The following GRID2 variants were observed in gnomAD, a reference collection of about 807,000 sequenced individuals.
The protein encoded by GRID2 is glutamate receptor ionotropic, delta-2.
Under a neutral mutation model 114.8 loss-of-function variants are expected in GRID2, and 33 were observed. That is an observed-to-expected ratio of 0.29 (90% CI 0.22 to 0.38). The LOEUF (loss-of-function observed/expected upper bound fraction) is 0.38. Among genes scored for constraint, GRID2 ranks in the 10% least tolerant of loss-of-function variants. GRID2 has a pLI of 1.00. For missense variants in GRID2, 1,184 were observed against 1,257.7 expected (o/e 0.94, Z 0.89); for synonymous variants, 505 against 449.9 (o/e 1.12, Z -1.55).
chr4:93,337,218 T>G (rs10015888), intron 8 of GRID2, among the ~76,000 whole-genome samples: 38,469 of 152,062 alleles, frequency 0.25, 8,161 homozygotes, highest in African/African-American at 0.58. Context: ...ATTTTTAGGG[T>G]TTTATTTTTA....
At chr4:93,562,338 C>T (rs963354523) in intron 13 of GRID2, among the ~76,000 whole-genome samples, 4 of 151,780 alleles carry the variant, frequency 2.6e-5, no homozygotes, top group African/African-American at 9.7e-5. Context: ...ATCTATATAT[C>T]TTTTTTGGTG....
At chr4:92,459,434 A>G (rs1721372435) in intron 1 of GRID2, among the ~76,000 whole-genome samples, 3 of 152,182 alleles carry the variant, frequency 2.0e-5, no homozygotes, top group Non-Finnish European at 4.4e-5. Flanking sequence ...TTTGCAATCT[A>G]CCTTCAATAT....
intron 2 of GRID2, among the ~76,000 whole-genome samples, chr4:92,693,605 G>C (rs923815286): frequency 1.6e-4 from 24 of 152,116 alleles, no homozygotes; most frequent in African/African-American, 5.1e-4. Context: ...CCCATCTTAA[G>C]TTAGAGAATA....
At position 92,740,738 on chromosome 4, in the gene GRID2, A is replaced by AGATAGATG. The variant is rs1553922626; in HGVS notation, c.244+150455_244+150456insAGATGGAT. 1.4e-3 allele frequency among the ~76,000 whole-genome samples: 203 copies of AGATAGATG among 141,142 alleles called. 1 individual carries two copies. Among genetic ancestry groups the AGATAGATG allele is most frequent in the African/African-American group, 4.9e-3 (175 of 35,818 alleles). The allele number at this position is 141,142 out of a possible 152,430, so 92.6% of individuals were successfully genotyped here. A position where few individuals can be genotyped will look rare whatever the true frequency, so the allele number is the denominator to read the frequency against. ...TAGATAGATAGATAGATAGATAGAT[A>AGATAGATG]GATGGATAGATAGATAGACAGATAG... On this transcript the variant is annotated intron_variant, in intron 2 of 15. Coordinates refer to ENST00000282020, the MANE Select transcript of GRID2 (RefSeq NM_001510.4).
chr4:93,371,741 CTTTTTTTTTT>C (rs1205096650), intron 8 of GRID2, among the ~76,000 whole-genome samples: 2 of 89,796 alleles, frequency 2.2e-5, no homozygotes, highest in Non-Finnish European at 4.2e-5. Flanking sequence ...ATCACTATTT[CTTTTTTTTTT>C]TTTTTTTTTT....
intron 3 of GRID2, among the ~76,000 whole-genome samples, chr4:93,099,766 A>G: frequency 6.6e-6 from 1 of 151,830 alleles, no homozygotes; most frequent in South Asian, 2.1e-4. Flanking sequence ...TTTACTTACA[A>G]TTTAATTGCC....
chr4:92,692,316 C>T (rs1734218009), intron 2 of GRID2, among the ~76,000 whole-genome samples: 1 of 152,028 alleles, frequency 6.6e-6, no homozygotes, highest in South Asian at 2.1e-4. Context: ...TAATATATGT[C>T]TTACTTTGTT....
intron 13 of GRID2, among the ~76,000 whole-genome samples, chr4:93,595,524 T>C (rs1738991887): frequency 6.6e-6 from 1 of 152,180 alleles, no homozygotes; most frequent in African/African-American, 2.4e-5. Flanking sequence ...TAAAACTTAA[T>C]GAAACACTGC....
chr4:92,832,735 C>T (rs986971324), intron 2 of GRID2, among the ~76,000 whole-genome samples: 8 of 151,784 alleles, frequency 5.3e-5, no homozygotes, highest in African/African-American at 1.9e-4. Context: ...TGCAGTGAGC[C>T]GAGATCATGC....
chr4:93,377,739 AAG>A (rs1763500994), intron 8 of GRID2, among the ~76,000 whole-genome samples: 1 of 152,162 alleles, frequency 6.6e-6, no homozygotes, highest in Admixed American at 6.6e-5. Flanking sequence ...GAAGTTTTTC[AAG>A]AGTCTTTTCC....
chr4:93,355,125 C>T lies in GRID2; in HGVS notation c.1246-40482C>T, dbSNP rs533892698. 3.8e-4 allele frequency among the ~76,000 whole-genome samples: 58 copies of T among 151,974 alleles called. 1 individual carries two copies. The highest frequency in any genetic ancestry group is 3.4e-3 in the Middle Eastern group (1 of 294). ...GGCTACTCTGGGGAGAGTGTTTTCT[C>T]CTCTCCTCAACATTCTTATTCCTGG... On this transcript the variant is annotated intron_variant, in intron 8 of 15. Coordinates refer to ENST00000282020, the MANE Select transcript of GRID2 (RefSeq NM_001510.4).
At chr4:93,175,362 G>A (rs1739255739) in intron 4 of GRID2, among the ~76,000 whole-genome samples, 1 of 152,018 alleles carries the variant, frequency 6.6e-6, no homozygotes, top group South Asian at 2.1e-4. Flanking sequence ...GTACAGACGA[G>A]GTTTCATCAT....
chr4:92,601,642 C>G (rs922982934), intron 2 of GRID2, among the ~76,000 whole-genome samples: 3 of 152,016 alleles, frequency 2.0e-5, no homozygotes, highest in Non-Finnish European at 4.4e-5. Flanking sequence ...TAAGAGCAAA[C>G]AAACCCCAAA....
At chr4:93,193,511 C>T (rs1252472942) in intron 4 of GRID2, among the ~76,000 whole-genome samples, 8 of 152,250 alleles carry the variant, frequency 5.3e-5, no homozygotes, top group Non-Finnish European at 1.0e-4. Flanking sequence ...TGAAGAAGGA[C>T]GTGTTTGCTT....
At chr4:93,021,845 A>G (rs1329271497) in intron 2 of GRID2, among the ~76,000 whole-genome samples, 1 of 147,154 alleles carries the variant, frequency 6.8e-6, no homozygotes, top group East Asian at 1.9e-4. Flanking sequence ...TTATTTTTAA[A>G]TAATAAATAT....
chr4:92,794,991 A>G (rs1739792666), intron 2 of GRID2, among the ~76,000 whole-genome samples: 1 of 150,488 alleles, frequency 6.6e-6, no homozygotes, highest in Admixed American at 6.7e-5. Context: ...AATCATAAGG[A>G]AGAGAAAATA....
At chr4:93,594,018 G>A (rs1560793284) in intron 13 of GRID2, among the ~76,000 whole-genome samples, 1 of 152,030 alleles carries the variant, frequency 6.6e-6, no homozygotes, top group African/African-American at 2.4e-5. Flanking sequence ...CCGTAGCTCA[G>A]AGTAATTTGA....
At chr4:92,710,927 T>G (rs1159702317) in intron 2 of GRID2, among the ~76,000 whole-genome samples, 1 of 149,034 alleles carries the variant, frequency 6.7e-6, no homozygotes, top group Non-Finnish European at 1.5e-5. Context: ...GATTCAGTGT[T>G]TTTTTTTTAA....
At position 92,957,437 on chromosome 4, in the gene GRID2, G is replaced by A. The variant is rs183939995; in HGVS notation, c.245-127558G>A. 5.6e-3 allele frequency among the ~76,000 whole-genome samples: 851 copies of A among 151,684 alleles called. 7 individuals are homozygous for A. The highest frequency in any genetic ancestry group is 0.018 in the African/African-American group (765 of 41,378). On this transcript the variant is annotated intron_variant, in intron 2 of 15. Coordinates refer to ENST00000282020, the MANE Select transcript of GRID2 (RefSeq NM_001510.4). ...CTTTTCTCCACTGTATTGTCTTTTC[G>A]CCTTTGTCAAAGATTGGTATACTGT...
Sources: allele counts gnomAD v4.1 joint callset (sites outside exome capture counted in the v4.1 genomes callset), GRCh38; gene constraint gnomAD v4.1.1; transcripts MANE v1.5; gene names NCBI Gene and HGNC (gene_info 2026-07-23, HGNC 2026-07-21).